Variants in CACNA1E observed in about 807,000 individuals in gnomAD.
CACNA1E encodes voltage-dependent R-type calcium channel subunit alpha-1E.
A neutral mutation model predicts 259.2 loss-of-function variants in CACNA1E; 40 were observed. That is an observed-to-expected ratio of 0.15 (90% confidence interval 0.12 to 0.20). The LOEUF (loss-of-function observed/expected upper bound fraction) is 0.20. Ranked by LOEUF, CACNA1E falls within the 10% of genes least tolerant of loss-of-function variation. The pLI is 1.00. For missense variants in CACNA1E, 1,874 were observed against 3,040.1 expected, an observed-to-expected ratio of 0.62 and a Z score of 9.02; for synonymous variants, 1,104 against 1,138.5, an observed-to-expected ratio of 0.97 and a Z score of 0.61.
chr1:181,783,393 A>T lies in CACNA1E; in HGVS notation c.5365-286A>T, dbSNP rs77483262. On this transcript the variant is annotated intron_variant, in intron 39 of 47. Transcript: ENST00000367573. The stretch of plus-strand genomic sequence containing the variant: ...TAACAAAGACATTCTTAGGACTCCA[A>T]GGGGGGGCCTTACTGAATGATTAGG... 0.051 allele frequency among the ~76,000 whole-genome samples: 7,809 copies of T among 152,090 alleles called. 246 individuals carry two copies. Among genetic ancestry groups the T allele is most frequent in the Middle Eastern group, 0.11 (33 of 294 alleles).
intron 7 of CACNA1E, among the ~76,000 whole-genome samples, chr1:181,683,471 G>T (rs562417367): frequency 2.0e-5 from 3 of 152,244 alleles, no homozygotes; most frequent in African/African-American, 7.2e-5. Flanking sequence ...GGAGGTACGT[G>T]TGCAAGTTTG....
chr1:181,571,029 C>G (rs1650357414), intron 3 of CACNA1E, among the ~76,000 whole-genome samples: 1 of 152,166 alleles, frequency 6.6e-6, no homozygotes, highest in Non-Finnish European at 1.5e-5. Context: ...GATGGGTCTG[C>G]AGTTTAAGAC....
rs1345778208 is a variant in CACNA1E at position 181,802,287 on chromosome 1, T to C, written c.*3453T>C. 2.0e-5 allele frequency: 3 copies of C among 152,214 alleles called. No individual in the cohort carries two copies. 9.4% of individuals were successfully genotyped at this position (152,214 alleles called of 1,614,324 possible). On this transcript the variant is annotated 3_prime_UTR_variant, in exon 48 of 48. Coordinates refer to ENST00000367573, the MANE Select transcript of CACNA1E (RefSeq NM_001205293.3). ...TTGTAGTTCCTATTCAATGTCTCCATAGGGCACTGAGATCACCAAGAACAT... is the reference window on the plus strand; with the variant it reads ...TTGTAGTTCCTATTCAATGTCTCCACAGGGCACTGAGATCACCAAGAACAT...
intron 2 of CACNA1E, among the ~76,000 whole-genome samples, chr1:181,418,817 A>G (rs1658491340): frequency 6.6e-6 from 1 of 151,932 alleles, no homozygotes; most frequent in Non-Finnish European, 1.5e-5. Flanking sequence ...TCCCTGGTCC[A>G]AGCACCTTTT....
At chr1:181,701,586 G>T (rs551186608) in intron 7 of CACNA1E, among the ~76,000 whole-genome samples, 1 of 152,114 alleles carries the variant, frequency 6.6e-6, no homozygotes, top group African/African-American at 2.4e-5. Flanking sequence ...GCAGACTGGC[G>T]GAGAATTAAA....
At chr1:181,729,631 T>C (rs77310576) in intron 18 of CACNA1E, among the ~76,000 whole-genome samples, 1,608 of 152,316 alleles carry the variant, frequency 0.011, 25 homozygotes, top group African/African-American at 0.037. Flanking sequence ...ACAAGGGCTA[T>C]TGTGAGGCGT....
At chr1:181,615,406 T>G (rs927473232) in intron 6 of CACNA1E, among the ~76,000 whole-genome samples, 5 of 152,150 alleles carry the variant, frequency 3.3e-5, no homozygotes, top group African/African-American at 1.2e-4. Context: ...GCCAGGCTGG[T>G]CTTGAACTCC....
chr1:181,336,128 G>A (rs1375130450), intron 1 of CACNA1E, among the ~76,000 whole-genome samples: 1 of 152,096 alleles, frequency 6.6e-6, no homozygotes, highest in Non-Finnish European at 1.5e-5. Flanking sequence ...TTCAACATTT[G>A]CTCGTACAGT....
At chr1:181,733,407 C>T (rs760587388) in intron 20 of CACNA1E, 30 bp from the exon 21 acceptor site, 4 of 1,483,184 alleles carry the variant, frequency 2.7e-6, no homozygotes, top group African/African-American at 2.8e-5. Flanking sequence ...AGCGTCTGAG[C>T]ACCAGCTCTC....
chr1:181,400,668 GC>G (rs1432496891), intron 1 of CACNA1E, among the ~76,000 whole-genome samples: 1 of 152,138 alleles, frequency 6.6e-6, no homozygotes, highest in Non-Finnish European at 1.5e-5. Flanking sequence ...TCTTCAGAGA[GC>G]CTCCTGCACC....
chr1:181,697,720 A>T (rs182904573), intron 7 of CACNA1E, among the ~76,000 whole-genome samples: 119 of 152,386 alleles, frequency 7.8e-4, no homozygotes, highest in African/African-American at 2.7e-3. Context: ...CATTTGGTAG[A>T]CATCAAATAT....
At chr1:181,370,627 T>C (rs1186428260) in intron 1 of CACNA1E, among the ~76,000 whole-genome samples, 2 of 152,250 alleles carry the variant, frequency 1.3e-5, no homozygotes, top group Non-Finnish European at 2.9e-5. Context: ...TTTTTATGGC[T>C]GTGTAGTATT....
At chr1:181,589,907 C>T (rs1305096893) in intron 6 of CACNA1E, among the ~76,000 whole-genome samples, 1 of 152,124 alleles carries the variant, frequency 6.6e-6, no homozygotes, top group Non-Finnish European at 1.5e-5. Flanking sequence ...ATATTTTTAC[C>T]TTCCTTTAGG....
intron 1 of CACNA1E, among the ~76,000 whole-genome samples, chr1:181,508,173 G>GTGTGTGTGTA: frequency 6.6e-6 from 1 of 152,176 alleles, no homozygotes; most frequent in Middle Eastern, 3.4e-3. Context: ...GTGTGTGTGT[G>GTGTGTGTGTA]TGATGGGGTG....
intron 3 of CACNA1E, among the ~76,000 whole-genome samples, chr1:181,541,378 A>G (rs959822207): frequency 6.6e-6 from 1 of 152,160 alleles, no homozygotes; most frequent in Non-Finnish European, 1.5e-5. Context: ...AGAATTTTCA[A>G]GGAATAGGAT....
intron 7 of CACNA1E, among the ~76,000 whole-genome samples, chr1:181,673,546 C>T (rs560745569): frequency 5.3e-5 from 8 of 152,356 alleles, no homozygotes; most frequent in Non-Finnish European, 1.2e-4. Context: ...GTGCCAGGAA[C>T]AGCTTTTCCA....
intron 16 of CACNA1E, among the ~76,000 whole-genome samples, chr1:181,723,864 A>G (rs912056528): frequency 7.2e-5 from 11 of 152,146 alleles, no homozygotes; most frequent in Non-Finnish European, 1.5e-4. Flanking sequence ...GTCTCCAGGA[A>G]CCTCCACATG....
At chr1:181,373,913 C>T (rs1243821262) in intron 1 of CACNA1E, among the ~76,000 whole-genome samples, 1 of 152,152 alleles carries the variant, frequency 6.6e-6, no homozygotes, top group East Asian at 1.9e-4. Flanking sequence ...ATTAATGTAG[C>T]TAGCAGTCTA....
At chr1:181,507,847 G>C (rs145525214) in intron 1 of CACNA1E, among the ~76,000 whole-genome samples, 1 of 152,196 alleles carries the variant, frequency 6.6e-6, no homozygotes, top group South Asian at 2.1e-4. Flanking sequence ...CTGCTGAGCA[G>C]GTGTCTGAAA....
Sources: gnomAD v4.1 joint callset for allele counts (sites outside exome capture counted in the v4.1 genomes callset) on GRCh38, gnomAD v4.1.1 for gene constraint, MANE v1.5 for transcripts, NCBI Gene and HGNC (gene_info 2026-07-23, HGNC 2026-07-21) for gene names.